RXFP1: variants seen among roughly 807,000 people sequenced by gnomAD.
RXFP1 encodes the protein relaxin receptor 1.
In RXFP1, 73 loss-of-function variants were observed where a neutral mutation model predicts 89.8. The observed-to-expected ratio is 0.81, with a 90% CI of 0.67 to 0.99. The LOEUF is 0.99. Among genes scored for constraint, RXFP1 ranks in the 50% least tolerant of loss-of-function variants. The probability of loss-of-function intolerance (pLI) is 0.00; values close to 1 mark genes in which losing one functional copy is unlikely to be tolerated. For missense variants in RXFP1, 793 were observed against 895.5 expected (o/e 0.89, Z 1.46); for synonymous variants, 277 against 305.5 (o/e 0.91, Z 0.97).
intron 2 of RXFP1, among the ~76,000 whole-genome samples, chr4:158,590,268 G>A (rs1013606776): frequency 2.0e-5 from 3 of 152,054 alleles, no homozygotes; most frequent in African/African-American, 7.2e-5. Flanking sequence ...AAGTTCAAGC[G>A]ATTCTCACGC....
chr4:158,572,544 G>T (rs940981327), intron 1 of RXFP1, among the ~76,000 whole-genome samples, 154 bp from the exon 2 acceptor site: 6 of 152,200 alleles, frequency 3.9e-5, no homozygotes, highest in Admixed American at 1.3e-4. Context: ...GTCCTAAGAG[G>T]TGAAGGTTCC....
intron 1 of RXFP1, among the ~76,000 whole-genome samples, chr4:158,562,348 C>T (rs567759694): frequency 1.1e-4 from 17 of 150,880 alleles, no homozygotes; most frequent in South Asian, 6.3e-4. Flanking sequence ...AACGGTGAAA[C>T]CCCGTCTCTA....
intron 14 of RXFP1, among the ~76,000 whole-genome samples, chr4:158,643,620 C>T (rs1188872404): frequency 5.3e-5 from 8 of 151,874 alleles, no homozygotes; most frequent in East Asian, 3.9e-4. Flanking sequence ...TACAGGTGTG[C>T]GCCACCATGC....
chr4:158,626,144 A>ATAGATAGATAGATAGT lies in RXFP1; in HGVS notation c.756-661_756-660insTTAGATAGATAGATAG, dbSNP rs1554019507. Reference sequence around the variant, plus strand: ...GATAGATAGATAGATAGATAGATAGATAGATAGATAGATAGATAGATAGAT... The same window carrying ATAGATAGATAGATAGT: ...GATAGATAGATAGATAGATAGATAGATAGATAGATAGATAGTTAGATAGATAGATAGATAGATAGAT... On this transcript the variant is annotated intron_variant, in intron 9 of 17. Transcript: ENST00000307765. Among the ~76,000 whole-genome samples, 694 of 148,822 alleles carry ATAGATAGATAGATAGT rather than the reference A, an allele frequency of 4.7e-3. 5 individuals are homozygous for ATAGATAGATAGATAGT. The highest frequency in any genetic ancestry group is 0.013 in the African/African-American group (500 of 39,752).
intron 1 of RXFP1, among the ~76,000 whole-genome samples, chr4:158,563,367 A>G (rs1238526537): frequency 6.6e-6 from 1 of 152,202 alleles, no homozygotes; most frequent in African/African-American, 2.4e-5. Context: ...AGGAGAAGGA[A>G]GATGAGGTAA....
rs753031365 is a variant in RXFP1, at chr4:158,626,811, A to C, written c.756-9A>C. 1.3e-6 allele frequency: 2 copies of C among 1,518,824 alleles called. No individual in the cohort carries two copies. Among genetic ancestry groups the C allele is most frequent in the Non-Finnish European group, 1.8e-6 (2 of 1,114,788 alleles). The allele number at this position is 1,518,824 out of a possible 1,614,324, so 94.1% of individuals were successfully genotyped here. Reference sequence around the variant, plus strand: ...GATTTAGCTGTATCGTTTTATTTTTATGTTCCAGGGACCTTGAAGGCAACC... The same window carrying C: ...GATTTAGCTGTATCGTTTTATTTTTCTGTTCCAGGGACCTTGAAGGCAACC... On this transcript the variant is annotated splice_polypyrimidine_tract_variant and intron_variant, in intron 9 of 17. Coordinates refer to ENST00000307765, the MANE Select transcript of RXFP1 (RefSeq NM_021634.4).
intron 16 of RXFP1, among the ~76,000 whole-genome samples, chr4:158,648,181 A>AT (rs112354761): frequency 0.028 from 4,286 of 152,298 alleles, 197 homozygotes; most frequent in African/African-American, 0.097. Context: ...CTCTAAAAAA[A>AT]TTAAAAATAA....
intron 2 of RXFP1, among the ~76,000 whole-genome samples, chr4:158,592,486 A>G (rs950276760): frequency 6.6e-6 from 1 of 152,172 alleles, no homozygotes; most frequent in Non-Finnish European, 1.5e-5. Context: ...AGGCAGGAGA[A>G]TCACTTGAGC....
chr4:158,626,630 G>T (rs1251308721), intron 9 of RXFP1, among the ~76,000 whole-genome samples, 190 bp from the exon 10 acceptor site: 6 of 151,548 alleles, frequency 4.0e-5, no homozygotes, highest in African/African-American at 1.5e-4. Context: ...CTTTAACATA[G>T]AAAAAAGTGT....
intron 1 of RXFP1, among the ~76,000 whole-genome samples, chr4:158,529,715 T>A (rs1267382173): frequency 6.6e-6 from 1 of 152,220 alleles, no homozygotes; most frequent in Non-Finnish European, 1.5e-5. Context: ...GCAGTTCCTC[T>A]TTCTCCCTTA....
At chr4:158,607,461 G>T (rs1435326418) in intron 5 of RXFP1, among the ~76,000 whole-genome samples, 1 of 152,108 alleles carries the variant, frequency 6.6e-6, no homozygotes, top group Non-Finnish European at 1.5e-5. Flanking sequence ...AATATGGTTT[G>T]GGACATTAAA....
chr4:158,612,613 T>C (rs1236228267), intron 8 of RXFP1, among the ~76,000 whole-genome samples: 1 of 140,220 alleles, frequency 7.1e-6, no homozygotes, highest in East Asian at 2.0e-4. Context: ...CACAATATTC[T>C]TTTTTTTTTT....
At chr4:158,614,091 G>A (rs1764063395) in intron 8 of RXFP1, among the ~76,000 whole-genome samples, 1 of 152,208 alleles carries the variant, frequency 6.6e-6, no homozygotes. Flanking sequence ...TAGGTCCCAA[G>A]AGTGGGCTTA....
In RXFP1 at chr4:158,648,503, T is replaced by C; in HGVS notation, c.1761T>C (p.Ile587=). 1 of 1,578,626 alleles carries C rather than the reference T, an allele frequency of 6.3e-7. No homozygotes were observed. Among genetic ancestry groups the C allele is most frequent in the Non-Finnish European group, 8.7e-7 (1 of 1,155,456 alleles). Residue 587 remains isoleucine, a synonymous_variant, in exon 17 of 18, where the codon ATT becomes ATC. Coordinates refer to ENST00000307765, the MANE Select transcript of RXFP1 (RefSeq NM_021634.4). Reference sequence around the variant, plus strand: ...TACTGTTTGTATTCCAAATAGGTATTAATTTGGCCGCATTTATCATCATAG... The same window carrying C: ...TACTGTTTGTATTCCAAATAGGTATCAATTTGGCCGCATTTATCATCATAG... ...QIYSVAIFLG[I]NLAAFIIIVF...
At chr4:158,603,018 C>A (rs1761975515) in intron 4 of RXFP1, among the ~76,000 whole-genome samples, 1 of 152,196 alleles carries the variant, frequency 6.6e-6, no homozygotes, top group Admixed American at 6.5e-5. Context: ...GCAGCCTTGA[C>A]CTCTGAGGCT....
chr4:158,526,452 C>T (rs937355301), intron 1 of RXFP1, among the ~76,000 whole-genome samples: 8 of 152,166 alleles, frequency 5.3e-5, no homozygotes, highest in African/African-American at 1.9e-4. Flanking sequence ...GTGATCAGAG[C>T]AACAAGGACC....
intron 2 of RXFP1, among the ~76,000 whole-genome samples, chr4:158,577,830 G>A (rs1339914596): frequency 6.6e-6 from 1 of 151,960 alleles, no homozygotes; most frequent in African/African-American, 2.4e-5. Flanking sequence ...TGTTATCGCA[G>A]GCACTTTAAA....
intron 6 of RXFP1, among the ~76,000 whole-genome samples, chr4:158,609,052 T>C (rs1218122378): frequency 1.3e-5 from 2 of 152,226 alleles, no homozygotes; most frequent in African/African-American, 2.4e-5. Flanking sequence ...GACATTTGGG[T>C]TGTTTCCACC....
chr4:158,527,823 A>G (rs1293780451), intron 1 of RXFP1, among the ~76,000 whole-genome samples: 3 of 152,042 alleles, frequency 2.0e-5, no homozygotes, highest in Non-Finnish European at 4.4e-5. Flanking sequence ...TTTTTCACAT[A>G]GAAAGAAACT....
Sources: allele counts gnomAD v4.1 joint callset (sites outside exome capture counted in the v4.1 genomes callset), GRCh38; gene constraint gnomAD v4.1.1; transcripts MANE v1.5; gene names NCBI Gene and HGNC (gene_info 2026-07-23, HGNC 2026-07-21).